The following KLHDC4 variants were observed in gnomAD, a reference collection of about 807,000 sequenced individuals.
The protein encoded by KLHDC4 is kelch domain containing 4.
KLHDC4 carries 90 observed loss-of-function variants against 62.4 expected under a neutral mutation model. The ratio of observed to expected loss-of-function variants is 1.44; its 90% CI spans 1.22 to 1.72. The LOEUF is 1.72. KLHDC4 is among the 40% of genes most tolerant of loss of function. The probability of loss-of-function intolerance (pLI) is 0.00; values close to 1 mark genes in which losing one functional copy is unlikely to be tolerated. For missense variants in KLHDC4, 1,025 were observed against 699.7 expected (o/e 1.47, Z -5.25); for synonymous variants, 386 against 284.4 (o/e 1.36, Z -3.59).
intron 5 of KLHDC4, among the ~76,000 whole-genome samples, chr16:87,737,641 A>G (rs76913506): frequency 0.058 from 8,604 of 149,232 alleles, 323 homozygotes; most frequent in East Asian, 0.16. Context: ...AGGCTGGAGC[A>G]CAATGGCACG....
chr16:87,707,945 C>T lies in KLHDC4; in HGVS notation c.*132G>A, dbSNP rs965599082. Reference sequence around the variant, plus strand: ...CATGGGAGAAAGTTCACACCCTGGCCTGGGCCACCCACCTTCAGCTCTCTC... The same window carrying T: ...CATGGGAGAAAGTTCACACCCTGGCTTGGGCCACCCACCTTCAGCTCTCTC... On this transcript the variant is annotated 3_prime_UTR_variant, in exon 12 of 12. Transcript: ENST00000270583. 2 of 466,798 alleles carry T rather than the reference C, an allele frequency of 4.3e-6. No individual in the cohort carries two copies. Among genetic ancestry groups the T allele is most frequent in the African/African-American group, 2.0e-5 (1 of 50,516 alleles). 28.9% of individuals were successfully genotyped at this position (466,798 alleles called of 1,614,324 possible).
intron 9 of KLHDC4, chr16:87,710,402 A>G (rs537174849): frequency 1.3e-5 from 2 of 152,246 alleles, no homozygotes; most frequent in Non-Finnish European, 1.5e-5. Context: ...TTCACATTCT[A>G]GACTTCTAAG....
downstream of KLHDC4, among the ~76,000 whole-genome samples, chr16:87,706,617 G>A (rs1006139746): frequency 6.6e-6 from 1 of 152,244 alleles, no homozygotes; most frequent in Admixed American, 6.5e-5. Context: ...CAAGTGTCAA[G>A]TGACAATGGA....
intron 1 of KLHDC4, chr16:87,763,649 G>A (rs1296661933): frequency 1.3e-5 from 2 of 152,188 alleles, no homozygotes; most frequent in Non-Finnish European, 2.9e-5. Context: ...GTATCATACT[G>A]TATATTCTTT....
chr16:87,748,295 C>T (rs192637597), intron 5 of KLHDC4, among the ~76,000 whole-genome samples: 3 of 152,336 alleles, frequency 2.0e-5, no homozygotes, highest in East Asian at 1.9e-4. Context: ...ACAGAAAGAA[C>T]GTGCCTTTTA....
At chr16:87,720,486 G>A (rs574324841) in intron 7 of KLHDC4, among the ~76,000 whole-genome samples, 13 of 152,320 alleles carry the variant, frequency 8.5e-5, no homozygotes, top group South Asian at 2.1e-4. Flanking sequence ...AGCAGCGACC[G>A]CACGCACCGT....
In KLHDC4 at chr16:87,739,350, C is replaced by CAGCATCTCATCCATCCACACAA. The variant is rs2041883571; in HGVS notation, c.507-8707_507-8706insTTGTGTGGATGGATGAGATGCT. On this transcript the variant is annotated intron_variant, in intron 5 of 11. Transcript: ENST00000270583. ...CAACAGCATCTCATCCATCCACACA[C>CAGCATCTCATCCATCCACACAA]CAGCATCTCATCCATCCACACACCA... Among the ~76,000 whole-genome samples the CAGCATCTCATCCATCCACACAA allele has an allele frequency of 7.5e-5, 5 of 66,822 alleles. 1 individual carries two copies. Among genetic ancestry groups the CAGCATCTCATCCATCCACACAA allele is most frequent in the African/African-American group, 1.2e-4 (2 of 16,570 alleles). 43.8% of individuals were successfully genotyped at this position (66,822 alleles called of 152,430 possible).
At chr16:87,699,489 C>T (rs373863190) in exon 1 of KLHDC4, 10 of 152,186 alleles carry the variant, frequency 6.6e-5, no homozygotes, top group African/African-American at 1.9e-4. Context: ...AGGTCAGGAG[C>T]TCGAGGCCAG....
At chr16:87,760,013 C>G (rs981738953) in intron 2 of KLHDC4, among the ~76,000 whole-genome samples, 1 of 151,978 alleles carries the variant, frequency 6.6e-6, no homozygotes, top group Non-Finnish European at 1.5e-5. Flanking sequence ...CATTTAGAAA[C>G]TGGTCATTCT....
chr16:87,711,351 G>A lies in KLHDC4; in HGVS notation c.928C>T (p.Leu310=). 1 of 1,614,000 alleles carries A rather than the reference G, an allele frequency of 6.2e-7. No individual in the cohort carries two copies. Among genetic ancestry groups the A allele is most frequent in the Non-Finnish European group, 8.5e-7 (1 of 1,180,030 alleles). The change falls in exon 9 of 12, where the codon CTG becomes TTG. Residue 310 remains leucine (L), a synonymous_variant. Coordinates refer to ENST00000270583, the MANE Select transcript of KLHDC4 (RefSeq NM_017566.4). Reference sequence around the variant, plus strand: ...TCGTCACAGACACCCCCGAAGAACAGTGTCTGGTGATTCGGGGCCATGGCC... The same window carrying A: ...TCGTCACAGACACCCCCGAAGAACAATGTCTGGTGATTCGGGGCCATGGCC... The part of the protein sequence containing the change: ...SVAMAPNHQT[L]FFGGVCDEEE...
At chr16:87,738,503 C>T (rs1021541355) in intron 5 of KLHDC4, among the ~76,000 whole-genome samples, 1 of 152,144 alleles carries the variant, frequency 6.6e-6, no homozygotes, top group African/African-American at 2.4e-5. Flanking sequence ...TGGAAACAAC[C>T]CAAGTGCCCA....
intron 5 of KLHDC4, among the ~76,000 whole-genome samples, chr16:87,738,355 G>A (rs529986203): frequency 7.2e-4 from 100 of 139,806 alleles, no homozygotes; most frequent in African/African-American, 2.9e-3. Flanking sequence ...ACACACGGAC[G>A]TGCACACACA....
At chr16:87,706,569 G>C (rs1363178252), downstream of KLHDC4, among the ~76,000 whole-genome samples, 2 of 152,208 alleles carry the variant, frequency 1.3e-5, no homozygotes, top group Non-Finnish European at 2.9e-5. Context: ...GGAAGAGGCA[G>C]TGCCCAGAGC....
downstream of KLHDC4, among the ~76,000 whole-genome samples, chr16:87,706,223 G>GGA (rs1555548172): frequency 3.9e-4 from 1 of 2,576 alleles, no homozygotes; most frequent in Non-Finnish European, 1.1e-3. Flanking sequence ...TGCAGCCCTC[G>GGA]GGGGGGGGTC....
downstream of KLHDC4, among the ~76,000 whole-genome samples, chr16:87,707,534 T>C (rs1038459619): frequency 7.2e-5 from 11 of 152,170 alleles, no homozygotes; most frequent in African/African-American, 2.2e-4. Flanking sequence ...CTGGCCCTGG[T>C]CTGCTTTTCA....
intron 7 of KLHDC4, among the ~76,000 whole-genome samples, chr16:87,716,421 G>C (rs1469489552): frequency 6.6e-6 from 1 of 152,116 alleles, no homozygotes; most frequent in Non-Finnish European, 1.5e-5. Context: ...TTTGTTGCTC[G>C]GGTTGTTCAA....
At chr16:87,722,183 A>C (rs1391410847) in intron 7 of KLHDC4, among the ~76,000 whole-genome samples, 5 of 152,230 alleles carry the variant, frequency 3.3e-5, no homozygotes, top group Non-Finnish European at 7.3e-5. Flanking sequence ...AAGTCATCAT[A>C]GTCAAAGCAC....
In KLHDC4 at chr16:87,726,907, T is replaced by C. The variant is rs1192738851; in HGVS notation, c.617A>G (p.Asn206Ser). The part of the protein sequence containing the change: ...HESTRDYIYY[N>S]DVYAFNLDTF... ...GTCCAGATTAAAGGCATACACGTCG[T>C]TGTAGTAGATGTAATCCCTGGTTAG... The change falls in exon 7 of 12, where the codon AAC (asparagine) becomes AGC (serine). Residue 206 changes from asparagine to serine, a missense_variant. Physicochemically the swap from Asn to Ser is conservative, Grantham distance 46. Transcript: ENST00000270583. 2 of 1,613,860 alleles carry C rather than the reference T, an allele frequency of 1.2e-6. No homozygotes were observed. The highest frequency in any genetic ancestry group is 1.7e-6 in the Non-Finnish European group (2 of 1,179,846).
intron 1 of KLHDC4, chr16:87,765,484 G>C (rs2046513125): frequency 4.0e-6 from 2 of 496,976 alleles, no homozygotes; most frequent in African/African-American, 1.9e-5. Flanking sequence ...CCTTCAGAGG[G>C]AGGGTGGAGG....
Sources: allele counts gnomAD v4.1 joint callset (sites outside exome capture counted in the v4.1 genomes callset), GRCh38; gene constraint gnomAD v4.1.1; transcripts MANE v1.5; gene names NCBI Gene and HGNC (gene_info 2026-07-23, HGNC 2026-07-21).